Variants in REEP3 observed in about 807,000 individuals in gnomAD.
REEP3 encodes receptor accessory protein 3.
Under a neutral mutation model 41.3 loss-of-function variants are expected in REEP3, and 20 were observed. That is an observed-to-expected ratio of 0.48 (90% confidence interval 0.34 to 0.70). The LOEUF is 0.70. Ranked by LOEUF, REEP3 falls within the 30% of genes least tolerant of loss-of-function variation. The probability of loss-of-function intolerance (pLI) is 0.01; values close to 1 mark genes in which losing one functional copy is unlikely to be tolerated. For synonymous variants in REEP3, 104 were observed against 101.8 expected (o/e 1.02, Z -0.13); for missense variants, 271 against 308.8 (o/e 0.88, Z 0.92).
intron 2 of REEP3, among the ~76,000 whole-genome samples, chr10:63,588,128 T>C (rs1015302074): frequency 3.9e-5 from 6 of 152,174 alleles, no homozygotes; most frequent in African/African-American, 1.4e-4. Flanking sequence ...CCTTAACAGC[T>C]AATATGCCGC....
intron 1 of REEP3, among the ~76,000 whole-genome samples, chr10:63,529,841 C>T (rs1955403677): frequency 6.6e-6 from 1 of 150,646 alleles, no homozygotes; most frequent in Admixed American, 6.6e-5. Context: ...TGCAATGGCG[C>T]AATCTCGGCT....
chr10:63,588,206 C>CT (rs1250913483), intron 2 of REEP3, among the ~76,000 whole-genome samples: 1 of 152,170 alleles, frequency 6.6e-6, no homozygotes, highest in African/African-American at 2.4e-5. Flanking sequence ...CACAGCCACT[C>CT]TTTTCTTCCT....
intron 2 of REEP3, among the ~76,000 whole-genome samples, chr10:63,570,552 A>G (rs1377873154): frequency 1.3e-5 from 2 of 152,146 alleles, no homozygotes; most frequent in Non-Finnish European, 2.9e-5. Flanking sequence ...CCAGGTATTA[A>G]GCCTAGTACC....
rs117046355 is a variant in REEP3 at position 63,569,607 on chromosome 10, G to A, written c.105+3197G>A. 6.0e-3 allele frequency among the ~76,000 whole-genome samples: 909 copies of A among 152,124 alleles called. 7 individuals are homozygous for A. Among genetic ancestry groups the A allele is most frequent in the Non-Finnish European group, 9.1e-3 (621 of 68,002 alleles). On this transcript the variant is annotated intron_variant, in intron 2 of 7. Coordinates refer to ENST00000373758, the MANE Select transcript of REEP3 (RefSeq NM_001001330.3). Reference sequence around the variant, plus strand: ...CTAAAATAAACGTCAAAGGTAAAGGGATAGCATAAGAAATATAAAAATAGT... The same window carrying A: ...CTAAAATAAACGTCAAAGGTAAAGGAATAGCATAAGAAATATAAAAATAGT...
intron 2 of REEP3, among the ~76,000 whole-genome samples, chr10:63,573,589 CCT>C (rs1343797018): frequency 6.6e-6 from 1 of 152,160 alleles, no homozygotes; most frequent in African/African-American, 2.4e-5. Flanking sequence ...CTCTAAAAGG[CCT>C]AGAAATGGCC....
chr10:63,587,249 C>A (rs552472039), intron 2 of REEP3, among the ~76,000 whole-genome samples: 1 of 152,288 alleles, frequency 6.6e-6, no homozygotes, highest in South Asian at 2.1e-4. Context: ...GAACATCAAT[C>A]CTTCCTACCC....
intron 1 of REEP3, among the ~76,000 whole-genome samples, chr10:63,540,925 C>G (rs1378854770): frequency 6.6e-6 from 1 of 151,894 alleles, no homozygotes; most frequent in African/African-American, 2.4e-5. Flanking sequence ...TTTTAAGATC[C>G]CATTTCTATG....
At chr10:63,532,596 C>T (rs764878243) in intron 1 of REEP3, among the ~76,000 whole-genome samples, 5 of 150,944 alleles carry the variant, frequency 3.3e-5, no homozygotes, top group Non-Finnish European at 7.4e-5. Flanking sequence ...GCGGAGCTCG[C>T]AGTGAGCCAA....
intron 1 of REEP3, among the ~76,000 whole-genome samples, chr10:63,556,037 T>C (rs984020462): frequency 6.6e-6 from 1 of 152,196 alleles, no homozygotes; most frequent in Non-Finnish European, 1.5e-5. Context: ...ACATTTCCTC[T>C]GGGGGAAAAA....
At chr10:63,569,325 A>C (rs1013697558) in intron 2 of REEP3, among the ~76,000 whole-genome samples, 1 of 152,178 alleles carries the variant, frequency 6.6e-6, no homozygotes, top group Non-Finnish European at 1.5e-5. Flanking sequence ...GTTGAAGTAC[A>C]GGGTATTATG....
chr10:63,564,749 TC>T (rs1410388557), intron 1 of REEP3, among the ~76,000 whole-genome samples: 1 of 152,156 alleles, frequency 6.6e-6, no homozygotes, highest in Admixed American at 6.5e-5. Context: ...GTAAAATGGA[TC>T]AGCCTTTCTG....
chr10:63,533,963 C>T (rs1031938660), intron 1 of REEP3, among the ~76,000 whole-genome samples: 1 of 151,946 alleles, frequency 6.6e-6, no homozygotes, highest in African/African-American at 2.4e-5. Context: ...CCACCTCGGC[C>T]TCTCAAAGTG....
intron 1 of REEP3, among the ~76,000 whole-genome samples, chr10:63,564,289 A>G (rs1955775399): frequency 6.6e-6 from 1 of 152,234 alleles, no homozygotes; most frequent in African/African-American, 2.4e-5. Flanking sequence ...TCAAAAGGCC[A>G]GTAAGCACTT....
In REEP3 at chr10:63,603,042, A is replaced by G. The variant is rs191173062; in HGVS notation, c.417+3759A>G. Among the ~76,000 whole-genome samples the G allele has an allele frequency of 7.2e-4, 108 of 149,624 alleles. 1 individual carries two copies. Among genetic ancestry groups the G allele is most frequent in the South Asian group, 2.8e-3 (13 of 4,682 alleles). On this transcript the variant is annotated intron_variant, in intron 5 of 7. Transcript: ENST00000373758. ...TAAGACCCCACCCATGGCTGGGCGC[A>G]GTGGCTCACACCTGTAATCCCAGCA...
chr10:63,568,770 C>T (rs1385789931), intron 2 of REEP3, among the ~76,000 whole-genome samples: 1 of 150,714 alleles, frequency 6.6e-6, no homozygotes, highest in Non-Finnish European at 1.5e-5. Context: ...ATCCTCCTAC[C>T]TCAGCCTTCT....
At chr10:63,572,755 G>A (rs1955864502) in intron 2 of REEP3, among the ~76,000 whole-genome samples, 2 of 152,134 alleles carry the variant, frequency 1.3e-5, no homozygotes, top group African/African-American at 4.8e-5. Context: ...TAAGCTCCAT[G>A]GGGAATGTTT....
chr10:63,619,030 A>G (rs1227231694), intron 6 of REEP3, among the ~76,000 whole-genome samples: 1 of 152,208 alleles, frequency 6.6e-6, no homozygotes, highest in Non-Finnish European at 1.5e-5. Flanking sequence ...AGTCTGTGGT[A>G]CTTCTAATTA....
chr10:63,590,651 C>A (rs1278702050), intron 2 of REEP3, among the ~76,000 whole-genome samples: 1 of 152,118 alleles, frequency 6.6e-6, no homozygotes, highest in Non-Finnish European at 1.5e-5. Flanking sequence ...AATGAACTGT[C>A]ATCTGGGTTG....
intron 2 of REEP3, among the ~76,000 whole-genome samples, chr10:63,579,961 T>A (rs534844956): frequency 2.6e-5 from 4 of 152,168 alleles, no homozygotes; most frequent in African/African-American, 4.8e-5. Context: ...TCAGAAAACA[T>A]AGCCTCACTA....
Sources: allele counts gnomAD v4.1 joint callset (sites outside exome capture counted in the v4.1 genomes callset), GRCh38; gene constraint gnomAD v4.1.1; transcripts MANE v1.5; gene names NCBI Gene and HGNC (gene_info 2026-07-23, HGNC 2026-07-21).